LMBR1: variants seen among roughly 807,000 people sequenced by gnomAD.
LMBR1 encodes limb development membrane protein 1.
A neutral mutation model predicts 73.9 loss-of-function variants in LMBR1; 52 were observed. The observed-to-expected ratio is 0.70, with a 90% CI of 0.56 to 0.89. The LOEUF (loss-of-function observed/expected upper bound fraction) is 0.89, where lower values mean the gene tolerates loss of function less well. Among genes scored for constraint, LMBR1 ranks in the 40% least tolerant of loss-of-function variants. The probability of loss-of-function intolerance (pLI) is 0.00; values close to 1 mark genes in which losing one functional copy is unlikely to be tolerated. For synonymous variants in LMBR1, 215 were observed against 209.4 expected, an observed-to-expected ratio of 1.03 and a Z score of -0.23; for missense variants, 539 against 579.8, an observed-to-expected ratio of 0.93 and a Z score of 0.72.
At position 156,696,850 on chromosome 7, in the gene LMBR1, A is replaced by G. The variant is rs978481614; in HGVS notation, c.1226-8659T>C. The stretch of plus-strand genomic sequence containing the variant: ...AATTATGCCTTCCCAACAGTCTCCC[A>G]AAGTCTTAACTCATTTCAGCATTAA... On this transcript the variant is annotated intron_variant, in intron 15 of 16. Coordinates refer to ENST00000353442, the MANE Select transcript of LMBR1 (RefSeq NM_022458.4). Among the ~76,000 whole-genome samples the G allele has an allele frequency of 3.9e-5, 6 of 152,200 alleles. No individual in the cohort carries two copies. In the South Asian group the frequency reaches 6.2e-4, roughly 16 times the overall value.
chr7:156,776,555 A>G (rs1585719252), intron 5 of LMBR1, among the ~76,000 whole-genome samples: 1 of 152,112 alleles, frequency 6.6e-6, no homozygotes. Flanking sequence ...CTTAGTCCAC[A>G]ATTTCCTGTC....
intron 15 of LMBR1, among the ~76,000 whole-genome samples, chr7:156,694,299 A>T (rs1807838745): frequency 6.6e-6 from 1 of 152,074 alleles, no homozygotes; most frequent in Non-Finnish European, 1.5e-5. Context: ...TGCCAGGCTA[A>T]TTTTTGTATT....
downstream of LMBR1, among the ~76,000 whole-genome samples, chr7:156,674,114 C>G (rs1471787239): frequency 2.0e-5 from 3 of 152,196 alleles, no homozygotes; most frequent in Non-Finnish European, 1.5e-5. Context: ...CGGCACTTCT[C>G]ACTGCTGGAC....
chr7:156,711,856 T>C (rs1359075258), intron 15 of LMBR1, among the ~76,000 whole-genome samples: 2 of 152,134 alleles, frequency 1.3e-5, no homozygotes, highest in African/African-American at 2.4e-5. Context: ...CAACTCAAGA[T>C]GGATTAAAGA....
chr7:156,813,073 G>A (rs1169884820), intron 4 of LMBR1, among the ~76,000 whole-genome samples: 1 of 152,170 alleles, frequency 6.6e-6, no homozygotes, highest in Non-Finnish European at 1.5e-5. Context: ...CTTTTAAAGT[G>A]TTTCTCTACC....
intron 9 of LMBR1, among the ~76,000 whole-genome samples, chr7:156,752,684 A>C (rs763009921): frequency 6.6e-6 from 1 of 152,208 alleles, no homozygotes; most frequent in Non-Finnish European, 1.5e-5. Flanking sequence ...AGTGGAGAGT[A>C]AGGTGAAGAT....
intron 5 of LMBR1, among the ~76,000 whole-genome samples, chr7:156,782,061 C>T (rs1827227535): frequency 6.6e-6 from 1 of 152,212 alleles, no homozygotes; most frequent in African/African-American, 2.4e-5. Flanking sequence ...ATAGGTATCT[C>T]ATTTAAGGAG....
At chr7:156,788,276 G>GA (rs952124778) in intron 5 of LMBR1, among the ~76,000 whole-genome samples, 24 of 151,386 alleles carry the variant, frequency 1.6e-4, no homozygotes, top group Non-Finnish European at 2.1e-4. Context: ...TTCTTTAAAA[G>GA]AAAAAAAACA....
At position 156,681,676 on chromosome 7, in the gene LMBR1, G is replaced by A. The variant is rs1397427201; in HGVS notation, c.*2402C>T. On this transcript the variant is annotated 3_prime_UTR_variant, in exon 17 of 17. Coordinates refer to ENST00000353442, the MANE Select transcript of LMBR1 (RefSeq NM_022458.4). ...GGACTGCTTGATGTGACAGTCACTG[G>A]TGCATCCCTATCCAGTCAGAAACAA... 1 of 152,354 alleles carries A rather than the reference G, an allele frequency of 6.6e-6. No homozygotes were observed. Among genetic ancestry groups the A allele is most frequent in the African/African-American group, 2.4e-5 (1 of 41,448 alleles). 9.4% of individuals were successfully genotyped at this position (152,354 alleles called of 1,614,324 possible). A position where few individuals can be genotyped will look rare whatever the true frequency, so the allele number is the denominator to read the frequency against.
intron 4 of LMBR1, among the ~76,000 whole-genome samples, chr7:156,814,295 G>A (rs894003335): frequency 6.6e-6 from 1 of 152,088 alleles, no homozygotes; most frequent in African/African-American, 2.4e-5. Context: ...CTGCCAAAAA[G>A]AATATATTAG....
At chr7:156,837,786 CTTT>C (rs200071206) in intron 1 of LMBR1, among the ~76,000 whole-genome samples, 2 of 135,318 alleles carry the variant, frequency 1.5e-5, no homozygotes, top group African/African-American at 2.7e-5. Flanking sequence ...TTTAATTTTG[CTTT>C]TTTTTTTTTT....
chr7:156,771,160 C>T (rs1444459833), intron 5 of LMBR1, among the ~76,000 whole-genome samples: 1 of 151,850 alleles, frequency 6.6e-6, no homozygotes, highest in African/African-American at 2.4e-5. Context: ...AAACAAACGA[C>T]TTGAGGAACT....
intron 4 of LMBR1, among the ~76,000 whole-genome samples, chr7:156,807,523 T>C (rs574918297): frequency 2.7e-4 from 41 of 151,770 alleles, no homozygotes; most frequent in Admixed American, 2.6e-3. Context: ...CAATATGTAG[T>C]GATGTCACCT....
chr7:156,856,732 T>C (rs966441745), intron 1 of LMBR1, among the ~76,000 whole-genome samples: 3 of 151,308 alleles, frequency 2.0e-5, no homozygotes, highest in African/African-American at 7.3e-5. Flanking sequence ...AAAAGAAAGA[T>C]CATTAGAGAA....
At chr7:156,840,239 C>A (rs77990128) in intron 1 of LMBR1, among the ~76,000 whole-genome samples, 110 of 152,018 alleles carry the variant, frequency 7.2e-4, no homozygotes, top group Non-Finnish European at 1.4e-3. Flanking sequence ...CAGTACACTG[C>A]GAGAAAAAGA....
intron 9 of LMBR1, among the ~76,000 whole-genome samples, chr7:156,738,811 A>G (rs1207681226): frequency 6.6e-6 from 1 of 152,160 alleles, no homozygotes; most frequent in Non-Finnish European, 1.5e-5. Context: ...CCAAAGATCC[A>G]GGAGTGACAT....
In LMBR1 at chr7:156,711,831, G is replaced by A. The variant is rs867924603; in HGVS notation, c.1225+12281C>T. On this transcript the variant is annotated intron_variant, in intron 15 of 16. Transcript: ENST00000353442. ...AAAAGAAACTGGACCCCTATCTCTC[G>A]CCATATATAAAAATCAACTCAAGAT... Among the ~76,000 whole-genome samples, 8 of 151,980 alleles carry A rather than the reference G, an allele frequency of 5.3e-5. No individual in the cohort carries two copies. In the East Asian group the frequency reaches 7.7e-4, roughly 15 times the overall value.
chr7:156,869,135 A>T (rs1798901494), intron 1 of LMBR1, among the ~76,000 whole-genome samples: 1 of 152,204 alleles, frequency 6.6e-6, no homozygotes, highest in Admixed American at 6.5e-5. Flanking sequence ...GCTTTCAAAG[A>T]TAAATTCTGA....
At position 156,801,052 on chromosome 7, in the gene LMBR1, G is replaced by A. The variant is rs565067237; in HGVS notation, c.320-4560C>T. ...TGAACATTGTGGAAATGACAATAAA[G>A]GACTTAGAATATCATAAACTTAGTT... On this transcript the variant is annotated intron_variant, in intron 4 of 16. Transcript: ENST00000353442. Among the ~76,000 whole-genome samples the A allele has an allele frequency of 2.9e-3, 441 of 152,292 alleles. 1 individual carries two copies. The highest frequency in any genetic ancestry group is 0.01 in the African/African-American group (424 of 41,558).
Sources: gnomAD v4.1 joint callset for allele counts (sites outside exome capture counted in the v4.1 genomes callset) on GRCh38, gnomAD v4.1.1 for gene constraint, MANE v1.5 for transcripts, NCBI Gene and HGNC (gene_info 2026-07-23, HGNC 2026-07-21) for gene names.